AGPS: variants seen among roughly 807,000 people sequenced by gnomAD.
AGPS encodes alkyldihydroxyacetonephosphate synthase, peroxisomal.
Under a neutral mutation model 90.7 loss-of-function variants are expected in AGPS, and 26 were observed. The ratio of observed to expected loss-of-function variants is 0.29; its 90% CI spans 0.21 to 0.40. The LOEUF is 0.40. Among genes scored for constraint, AGPS ranks in the 10% least tolerant of loss-of-function variants. AGPS has a pLI of 1.00. For synonymous variants in AGPS, 294 were observed against 285.3 expected (o/e 1.03, Z -0.31); for missense variants, 540 against 816.1 (o/e 0.66, Z 4.12).
intron 12 of AGPS, among the ~76,000 whole-genome samples, chr2:177,497,091 C>G (rs998874821): frequency 6.6e-6 from 1 of 151,976 alleles, no homozygotes; most frequent in African/African-American, 2.4e-5. Flanking sequence ...CTCAATTAAG[C>G]TTAATCTGCA....
chr2:177,520,406 G>A lies in AGPS; in HGVS notation c.1698-863G>A, dbSNP rs114422266. Reference sequence around the variant, plus strand: ...TTAGTCAGTGTTTGCATGTCCATATGTATTCTATGCATTTCATGTTCCTAT... The same window carrying A: ...TTAGTCAGTGTTTGCATGTCCATATATATTCTATGCATTTCATGTTCCTAT... On this transcript the variant is annotated intron_variant, in intron 17 of 19. Coordinates refer to ENST00000264167, the MANE Select transcript of AGPS (RefSeq NM_003659.4). Among the ~76,000 whole-genome samples the A allele has an allele frequency of 2.5e-3, 379 of 152,298 alleles. 4 individuals carry two copies. The highest frequency in any genetic ancestry group is 8.7e-3 in the African/African-American group (361 of 41,548).
At chr2:177,409,725 C>T (rs961659618) in intron 1 of AGPS, among the ~76,000 whole-genome samples, 1 of 152,136 alleles carries the variant, frequency 6.6e-6, no homozygotes, top group Non-Finnish European at 1.5e-5. Context: ...AACATTGGAG[C>T]ATGGGCTAGT....
chr2:177,436,658 T>G (rs371309373), intron 3 of AGPS, 106 bp from the exon 4 acceptor site: 2 of 1,129,322 alleles, frequency 1.8e-6, no homozygotes, highest in African/African-American at 3.1e-5. Flanking sequence ...CAGCCTTACT[T>G]TGAATGTTTA....
intron 8 of AGPS, among the ~76,000 whole-genome samples, chr2:177,457,298 C>T (rs1574383188): frequency 6.6e-6 from 1 of 152,054 alleles, no homozygotes; most frequent in African/African-American, 2.4e-5. Flanking sequence ...GAAGCAACAG[C>T]AAATTCAAAC....
chr2:177,439,093 G>A (rs960296901), intron 5 of AGPS, among the ~76,000 whole-genome samples: 10 of 152,174 alleles, frequency 6.6e-5, no homozygotes, highest in African/African-American at 2.2e-4. Flanking sequence ...TAGGGCTTAA[G>A]AGTAAGGACA....
chr2:177,498,847 A>T (rs930451614), intron 13 of AGPS, among the ~76,000 whole-genome samples: 2 of 151,674 alleles, frequency 1.3e-5, no homozygotes, highest in Admixed American at 1.3e-4. Flanking sequence ...GTCTTTTTTA[A>T]TGAGCTTTTT....
At chr2:177,437,595 G>A (rs946430802) in intron 5 of AGPS, among the ~76,000 whole-genome samples, 4 of 152,056 alleles carry the variant, frequency 2.6e-5, no homozygotes, top group Admixed American at 6.5e-5. Flanking sequence ...GTGAGTAGTA[G>A]GTACTATATT....
intron 16 of AGPS, among the ~76,000 whole-genome samples, chr2:177,513,068 A>G (rs1366921258): frequency 1.6e-5 from 2 of 125,698 alleles, no homozygotes; most frequent in Non-Finnish European, 3.3e-5. Context: ...TAGTAACATC[A>G]TGATTATTAA....
At chr2:177,406,037 C>T (rs138052018) in intron 1 of AGPS, among the ~76,000 whole-genome samples, 25 of 152,296 alleles carry the variant, frequency 1.6e-4, no homozygotes, top group African/African-American at 5.1e-4. Context: ...TCCAACAACA[C>T]CTGAGTCATG....
At chr2:177,415,125 A>T (rs1367919949) in intron 1 of AGPS, among the ~76,000 whole-genome samples, 2 of 152,038 alleles carry the variant, frequency 1.3e-5, no homozygotes, top group Admixed American at 1.3e-4. Flanking sequence ...GTGTTTCTAT[A>T]TGCATATCTA....
chr2:177,435,021 A>ATATATATATATATATG (rs1386186429), intron 3 of AGPS, among the ~76,000 whole-genome samples: 1 of 146,982 alleles, frequency 6.8e-6, no homozygotes, highest in African/African-American at 2.5e-5. Context: ...ATATATATAT[A>ATATATATATATATATG]TATGTATGAA....
At chr2:177,457,315 A>G (rs1687149362) in intron 8 of AGPS, among the ~76,000 whole-genome samples, 1 of 152,224 alleles carries the variant, frequency 6.6e-6, no homozygotes, top group African/African-American at 2.4e-5. Flanking sequence ...AAACACTAGC[A>G]GAAGACATGA....
intron 2 of AGPS, among the ~76,000 whole-genome samples, chr2:177,429,703 C>T (rs1317903000): frequency 1.3e-5 from 2 of 152,150 alleles, no homozygotes; most frequent in Admixed American, 1.3e-4. Context: ...GGAGCTCCGT[C>T]CCAGGGTGGG....
In AGPS at chr2:177,392,806, C is replaced by T; in HGVS notation, c.17C>T (p.Ala6Val). MAEAA[A>V]AAGGTGLGAG... ...GCGGTAGCCATGGCGGAGGCGGCGG[C>T]TGCAGCGGGTGGGACTGGCTTGGGC... Residue 6 changes from alanine to valine, a missense_variant, in exon 1 of 20, where the codon GCT becomes GTT. This residue lies in a region of AGPS where 135 missense variants were observed against 124.0 expected (regional missense o/e 1.09). Coordinates refer to ENST00000264167, the MANE Select transcript of AGPS (RefSeq NM_003659.4). 2.0e-6 allele frequency: 3 copies of T among 1,509,794 alleles called. No individual in the cohort carries two copies. Among genetic ancestry groups the T allele is most frequent in the Non-Finnish European group, 2.6e-6 (3 of 1,141,536 alleles). The allele number at this position is 1,509,794 out of a possible 1,614,324, so 93.5% of individuals were successfully genotyped here.
At chr2:177,506,931 A>G (rs1357117128) in intron 15 of AGPS, among the ~76,000 whole-genome samples, 3 of 152,068 alleles carry the variant, frequency 2.0e-5, no homozygotes, top group Non-Finnish European at 2.9e-5. Flanking sequence ...AAAATGAAAT[A>G]TAACTGTAAC....
At chr2:177,468,001 A>AT (rs1289930024) in intron 9 of AGPS, among the ~76,000 whole-genome samples, 1 of 152,030 alleles carries the variant, frequency 6.6e-6, no homozygotes, top group Non-Finnish European at 1.5e-5. Context: ...AGGGAGAATA[A>AT]TTTTTTTCTT....
At chr2:177,416,292 C>G (rs1006552477) in intron 1 of AGPS, among the ~76,000 whole-genome samples, 1 of 152,032 alleles carries the variant, frequency 6.6e-6, no homozygotes, top group African/African-American at 2.4e-5. Context: ...ATAATAACAG[C>G]CCTGAAAAAT....
chr2:177,401,772 C>A (rs1450123126), intron 1 of AGPS, among the ~76,000 whole-genome samples: 1 of 152,190 alleles, frequency 6.6e-6, no homozygotes, highest in East Asian at 1.9e-4. Context: ...TCTCAAACTC[C>A]TGACCTCAGG....
At chr2:177,508,859 G>A (rs945510902) in intron 16 of AGPS, among the ~76,000 whole-genome samples, 2 of 152,058 alleles carry the variant, frequency 1.3e-5, no homozygotes, top group African/African-American at 4.8e-5. Flanking sequence ...AATCACTGCA[G>A]CATTTCTTTT....
Sources: allele counts gnomAD v4.1 joint callset (sites outside exome capture counted in the v4.1 genomes callset), GRCh38; gene constraint gnomAD v4.1.1; regional missense constraint gnomAD v4.1.1; transcripts MANE v1.5; gene names NCBI Gene and HGNC (gene_info 2026-07-23, HGNC 2026-07-21).